NEGR1: variants seen among roughly 807,000 people sequenced by gnomAD.
NEGR1 encodes IgLON family member 4.
NEGR1 carries 10 observed loss-of-function variants against 40.9 expected under a neutral mutation model. That is an observed-to-expected ratio of 0.24 (90% CI 0.15 to 0.42). The LOEUF (loss-of-function observed/expected upper bound fraction) is 0.42, where lower values mean the gene tolerates loss of function less well. NEGR1 is among the 10% of genes least tolerant of loss of function. The pLI is 1.00. For missense variants in NEGR1, 352 were observed against 438.9 expected, an observed-to-expected ratio of 0.80 and a Z score of 1.77; for synonymous variants, 185 against 166.8, an observed-to-expected ratio of 1.11 and a Z score of -0.84.
chr1:71,647,315 C>T (rs1277701031), intron 4 of NEGR1, among the ~76,000 whole-genome samples: 7 of 151,822 alleles, frequency 4.6e-5, no homozygotes, highest in Non-Finnish European at 1.0e-4. Flanking sequence ...GCCCAGGGGT[C>T]CTTAACATAG....
chr1:72,112,622 C>T (rs1454640002), intron 1 of NEGR1, among the ~76,000 whole-genome samples: 1 of 151,330 alleles, frequency 6.6e-6, no homozygotes, highest in Non-Finnish European at 1.5e-5. Flanking sequence ...ATCTTGGTCA[C>T]AAGCCCTAAA....
chr1:71,503,109 C>G (rs1647009871), intron 6 of NEGR1, among the ~76,000 whole-genome samples: 1 of 152,194 alleles, frequency 6.6e-6, no homozygotes, highest in African/African-American at 2.4e-5. Flanking sequence ...AGGGACTACT[C>G]TCAAACCAGG....
chr1:71,422,489 T>C (rs1176820515), intron 6 of NEGR1: 3 of 152,206 alleles, frequency 2.0e-5, no homozygotes, highest in African/African-American at 7.2e-5. Flanking sequence ...CGTAATGTCA[T>C]TTATATTCTT....
intron 5 of NEGR1, among the ~76,000 whole-genome samples, chr1:71,610,154 C>T (rs1650207252): frequency 1.3e-5 from 2 of 152,174 alleles, no homozygotes; most frequent in African/African-American, 4.8e-5. Context: ...TGGACTAATA[C>T]AGTATGTAAA....
chr1:72,244,018 C>A (rs1654827985), intron 1 of NEGR1, among the ~76,000 whole-genome samples: 1 of 151,762 alleles, frequency 6.6e-6, no homozygotes, highest in African/African-American at 2.4e-5. Flanking sequence ...GCATCTTAAT[C>A]TGATTTTCTA....
At chr1:71,694,777 A>G (rs1013422862) in intron 4 of NEGR1, among the ~76,000 whole-genome samples, 3 of 151,810 alleles carry the variant, frequency 2.0e-5, no homozygotes, top group African/African-American at 7.2e-5. Context: ...AGCTTATGAA[A>G]ATGTATTATA....
chr1:71,491,885 T>G (rs1382233143), intron 6 of NEGR1, among the ~76,000 whole-genome samples: 1 of 152,148 alleles, frequency 6.6e-6, no homozygotes, highest in Admixed American at 6.6e-5. Context: ...AAAATTTATA[T>G]GCTGAAACCT....
chr1:72,078,438 C>T (rs1213413141), intron 1 of NEGR1, among the ~76,000 whole-genome samples: 1 of 151,978 alleles, frequency 6.6e-6, no homozygotes, highest in Non-Finnish European at 1.5e-5. Flanking sequence ...TGTTCACACA[C>T]ACATACAAAC....
At chr1:72,273,456 T>C (rs1023834146) in intron 1 of NEGR1, among the ~76,000 whole-genome samples, 2 of 151,984 alleles carry the variant, frequency 1.3e-5, no homozygotes, top group African/African-American at 2.4e-5. Flanking sequence ...AGCCTTCCCA[T>C]ATAATTTAAA....
At chr1:71,462,981 T>C (rs1194209224) in intron 6 of NEGR1, among the ~76,000 whole-genome samples, 1 of 152,112 alleles carries the variant, frequency 6.6e-6, no homozygotes, top group Non-Finnish European at 1.5e-5. Flanking sequence ...AGAACCTGGG[T>C]ATTTCTTTTG....
intron 3 of NEGR1, among the ~76,000 whole-genome samples, chr1:71,764,948 C>T (rs749951319): frequency 2.6e-5 from 4 of 152,104 alleles, no homozygotes; most frequent in Non-Finnish European, 4.4e-5. Flanking sequence ...AAGTGGATTT[C>T]ATACAAAAAC....
rs542733065 is a variant in NEGR1, at chr1:71,757,399, A to G, written c.535+18773T>C. On this transcript the variant is annotated intron_variant, in intron 3 of 6. Transcript: ENST00000357731. Reference sequence around the variant, plus strand: ...ATAAGAAGAAAAACTTGGCACCATCATTAACAGCCCTCTGGTCCTAGTATC... The same window carrying G: ...ATAAGAAGAAAAACTTGGCACCATCGTTAACAGCCCTCTGGTCCTAGTATC... Among the ~76,000 whole-genome samples, 119 of 152,206 alleles carry G rather than the reference A, an allele frequency of 7.8e-4. 3 individuals are homozygous for G. In the South Asian group the frequency reaches 0.023, roughly 29 times the overall value.
rs2101250300 is a variant in NEGR1, at chr1:71,402,704, T to G, written c.*4742A>C. ...ACTTGAATGAATTACCTTGGAAAAT[T>G]ATCTCTACAAATTCTTACTTACATT... On this transcript the variant is annotated 3_prime_UTR_variant, in exon 7 of 7. Coordinates refer to ENST00000357731, the MANE Select transcript of NEGR1 (RefSeq NM_173808.3). 6.6e-6 allele frequency: 1 copy of G among 152,268 alleles called. No individual in the cohort carries two copies. The highest frequency in any genetic ancestry group is 1.5e-5 in the Non-Finnish European group (1 of 67,976). The allele number at this position is 152,268 out of a possible 1,614,324, so 9.4% of individuals were successfully genotyped here.
intron 1 of NEGR1, among the ~76,000 whole-genome samples, chr1:72,159,234 A>G (rs977682957): frequency 6.6e-6 from 1 of 152,146 alleles, no homozygotes; most frequent in African/African-American, 2.4e-5. Context: ...TAAGAGTAAG[A>G]AGAGTCTTTG....
chr1:71,711,549 T>C (rs1654092686), intron 3 of NEGR1, among the ~76,000 whole-genome samples: 1 of 151,190 alleles, frequency 6.6e-6, no homozygotes, highest in Non-Finnish European at 1.5e-5. Context: ...ACACTGCTGG[T>C]GTGAGTGTGA....
intron 1 of NEGR1, among the ~76,000 whole-genome samples, chr1:72,009,678 T>C (rs1175070440): frequency 1.3e-5 from 2 of 152,150 alleles, no homozygotes; most frequent in Admixed American, 6.6e-5. Flanking sequence ...TACAGTTTTG[T>C]CTCTTGGCAT....
At chr1:71,953,104 T>G (rs1199194580) in intron 1 of NEGR1, among the ~76,000 whole-genome samples, 1 of 151,996 alleles carries the variant, frequency 6.6e-6, no homozygotes, top group Non-Finnish European at 1.5e-5. Flanking sequence ...ACATCCATTC[T>G]GCAGCTCATG....
chr1:72,084,219 T>C (rs1412276990), intron 1 of NEGR1, among the ~76,000 whole-genome samples: 1 of 152,140 alleles, frequency 6.6e-6, no homozygotes, highest in Non-Finnish European at 1.5e-5. Context: ...CTATGGGGTG[T>C]GGAAGGAACT....
At chr1:72,067,043 T>C (rs1647292491) in intron 1 of NEGR1, among the ~76,000 whole-genome samples, 1 of 152,120 alleles carries the variant, frequency 6.6e-6, no homozygotes, top group South Asian at 2.1e-4. Context: ...GTACCTTACA[T>C]TTATTTCATG....
Sources: allele counts gnomAD v4.1 joint callset (sites outside exome capture counted in the v4.1 genomes callset), GRCh38; gene constraint gnomAD v4.1.1; transcripts MANE v1.5; gene names NCBI Gene and HGNC (gene_info 2026-07-23, HGNC 2026-07-21).